The following PTPRD variants were observed in gnomAD, a reference collection of about 807,000 sequenced individuals.
PTPRD encodes protein tyrosine phosphatase receptor type D, also known as receptor-type tyrosine-protein phosphatase delta.
Under a neutral mutation model 214.5 loss-of-function variants are expected in PTPRD, and 34 were observed. That is an observed-to-expected ratio of 0.16 (90% CI 0.12 to 0.21). PTPRD has a LOEUF of 0.21. Among genes scored for constraint, PTPRD ranks in the 10% least tolerant of loss-of-function variants. PTPRD has a pLI of 1.00. For synonymous variants in PTPRD, 1,128 were observed against 845.7 expected, an observed-to-expected ratio of 1.33 and a Z score of -5.79; for missense variants, 2,545 against 2,398.7, an observed-to-expected ratio of 1.06 and a Z score of -1.27.
At chr9:9,426,583 G>A (rs1410413214) in intron 8 of PTPRD, among the ~76,000 whole-genome samples, 2 of 152,166 alleles carry the variant, frequency 1.3e-5, no homozygotes, top group Non-Finnish European at 2.9e-5. Flanking sequence ...CGGAGTTTGA[G>A]ATCTGAGAAC....
At chr9:8,505,634 A>G (rs1292969043) in intron 22 of PTPRD, among the ~76,000 whole-genome samples, 1 of 150,574 alleles carries the variant, frequency 6.6e-6, no homozygotes, top group Non-Finnish European at 1.5e-5. Flanking sequence ...CAAAAAAAAA[A>G]AAAAAAAAAA....
chr9:8,709,109 G>C (rs913470317), intron 12 of PTPRD, among the ~76,000 whole-genome samples: 48 of 152,198 alleles, frequency 3.2e-4, no homozygotes, highest in African/African-American at 1.1e-3. Context: ...GGTTGGGAGG[G>C]GTTGGGGAGA....
At chr9:8,368,676 C>CTTTTTTTTTTTTTTTTTTT (rs199556434) in intron 39 of PTPRD, among the ~76,000 whole-genome samples, 1 of 117,346 alleles carries the variant, frequency 8.5e-6, no homozygotes. Flanking sequence ...CCTTTTAATG[C>CTTTTTTTTTTTTTTTTTTT]TTTTTTTTTT....
At chr9:9,776,486 A>G (rs947574528) in intron 5 of PTPRD, among the ~76,000 whole-genome samples, 3 of 152,176 alleles carry the variant, frequency 2.0e-5, no homozygotes, top group Non-Finnish European at 4.4e-5. Flanking sequence ...ATCTAGCATA[A>G]TGCCTGGCAC....
At chr9:9,378,875 A>C (rs1336535161) in intron 9 of PTPRD, among the ~76,000 whole-genome samples, 7 of 151,856 alleles carry the variant, frequency 4.6e-5, no homozygotes, top group Non-Finnish European at 1.0e-4. Context: ...GTTGATTTTT[A>C]AGTTTCTTAT....
chr9:10,483,822 C>A (rs539471501), intron 2 of PTPRD, among the ~76,000 whole-genome samples: 2 of 151,950 alleles, frequency 1.3e-5, no homozygotes, highest in African/African-American at 4.8e-5. Context: ...AACACACTGC[C>A]GGTGAGAATG....
At chr9:9,085,116 G>A (rs1591347473) in intron 10 of PTPRD, among the ~76,000 whole-genome samples, 1 of 152,152 alleles carries the variant, frequency 6.6e-6, no homozygotes, top group Admixed American at 6.5e-5. Context: ...CTGCTCACAA[G>A]CCTGATAAAT....
At chr9:9,053,456 G>A (rs568111678) in intron 10 of PTPRD, among the ~76,000 whole-genome samples, 1 of 152,162 alleles carries the variant, frequency 6.6e-6, no homozygotes, top group South Asian at 2.1e-4. Flanking sequence ...TCACGGTTGA[G>A]TCAATGGGTT....
intron 2 of PTPRD, among the ~76,000 whole-genome samples, chr9:10,482,270 C>G (rs981095547): frequency 2.6e-5 from 4 of 151,892 alleles, no homozygotes; most frequent in African/African-American, 9.7e-5. Flanking sequence ...ACTGAGGAGG[C>G]TGAGGCAGGA....
chr9:9,264,997 G>A (rs1407085537), intron 9 of PTPRD, among the ~76,000 whole-genome samples: 3 of 151,546 alleles, frequency 2.0e-5, no homozygotes, highest in Non-Finnish European at 4.4e-5. Context: ...AAAAGCTAAG[G>A]GTGTTCATCG....
intron 2 of PTPRD, among the ~76,000 whole-genome samples, chr9:10,359,154 G>A (rs905766756): frequency 2.0e-5 from 3 of 151,862 alleles, no homozygotes; most frequent in African/African-American, 7.3e-5. Context: ...GAGATCTATT[G>A]TTAACATTAT....
chr9:10,331,451 A>G (rs144687386), intron 3 of PTPRD, among the ~76,000 whole-genome samples: 57 of 151,998 alleles, frequency 3.8e-4, no homozygotes, highest in African/African-American at 1.3e-3. Context: ...CCATTTCCCC[A>G]TTCCCTGTCT....
At chr9:9,954,484 T>C (rs1371591260) in intron 4 of PTPRD, among the ~76,000 whole-genome samples, 2 of 151,876 alleles carry the variant, frequency 1.3e-5, no homozygotes, top group Admixed American at 1.3e-4. Context: ...AGAGAACTAT[T>C]AATAAGAACA....
At chr9:10,095,704 G>C (rs1228951844) in intron 3 of PTPRD, among the ~76,000 whole-genome samples, 3 of 151,478 alleles carry the variant, frequency 2.0e-5, no homozygotes, top group Non-Finnish European at 4.4e-5. Context: ...TGTGTTACAT[G>C]ATAATTAGCC....
chr9:9,917,455 A>AAG (rs754012475), intron 5 of PTPRD, among the ~76,000 whole-genome samples: 3 of 86,804 alleles, frequency 3.5e-5, no homozygotes, highest in African/African-American at 1.9e-4. Context: ...AATTTCCTAA[A>AAG]AAAAAAAAAA....
intron 2 of PTPRD, among the ~76,000 whole-genome samples, chr9:10,393,686 C>G (rs2098115382): frequency 6.9e-6 from 1 of 144,564 alleles, no homozygotes; most frequent in African/African-American, 2.5e-5. Flanking sequence ...TTGGGTCTTG[C>G]TATATATATA....
At chr9:10,369,218 A>G (rs1041188647) in intron 2 of PTPRD, among the ~76,000 whole-genome samples, 15 of 152,136 alleles carry the variant, frequency 9.9e-5, no homozygotes, top group South Asian at 2.1e-4. Context: ...AGGAGTTTAG[A>G]CCTTGGCAAA....
At chr9:9,272,602 C>T (rs534209929) in intron 9 of PTPRD, among the ~76,000 whole-genome samples, 33 of 151,328 alleles carry the variant, frequency 2.2e-4, no homozygotes, top group South Asian at 4.2e-4. Flanking sequence ...GGTCCGTTGA[C>T]GAAAAATATT....
At chr9:8,821,216 T>C (rs1419138317) in intron 11 of PTPRD, among the ~76,000 whole-genome samples, 3 of 152,190 alleles carry the variant, frequency 2.0e-5, no homozygotes, top group African/African-American at 7.2e-5. Flanking sequence ...TCTTAGATGA[T>C]CACAGTTGGT....
Sources: gnomAD v4.1 joint callset for allele counts (sites outside exome capture counted in the v4.1 genomes callset) on GRCh38, gnomAD v4.1.1 for gene constraint, MANE v1.5 for transcripts, NCBI Gene and HGNC (gene_info 2026-07-23, HGNC 2026-07-21) for gene names.